PRDM5: variants seen among roughly 807,000 people sequenced by gnomAD.
PRDM5 encodes the protein PR/SET domain 5, also known as PR domain zinc finger protein 5.
Under a neutral mutation model 81.2 loss-of-function variants are expected in PRDM5, and 56 were observed. The ratio of observed to expected loss-of-function variants is 0.69; its 90% CI spans 0.56 to 0.86. The LOEUF is 0.86. PRDM5 is among the 40% of genes least tolerant of loss of function. The probability of loss-of-function intolerance (pLI) is 0.00; values close to 1 mark genes in which losing one functional copy is unlikely to be tolerated. For synonymous variants in PRDM5, 267 were observed against 256.4 expected (o/e 1.04, Z -0.39); for missense variants, 697 against 770.1 (o/e 0.91, Z 1.12).
chr4:120,800,273 T>C (rs1396730041), intron 8 of PRDM5, among the ~76,000 whole-genome samples: 1 of 152,144 alleles, frequency 6.6e-6, no homozygotes, highest in Non-Finnish European at 1.5e-5. Context: ...CCCAGCACTT[T>C]GGGAGGCCAA....
At chr4:120,740,683 T>TC (rs1287290152) in intron 14 of PRDM5, among the ~76,000 whole-genome samples, 2 of 152,194 alleles carry the variant, frequency 1.3e-5, no homozygotes, top group Admixed American at 6.5e-5. Flanking sequence ...TGTGGGTCCC[T>TC]ATTCCTGCTC....
At chr4:120,758,796 C>T (rs2149169343) in intron 13 of PRDM5, among the ~76,000 whole-genome samples, 1 of 151,464 alleles carries the variant, frequency 6.6e-6, no homozygotes, top group East Asian at 2.0e-4. Flanking sequence ...CGCTCTGTTG[C>T]CCAGGCTGGA....
intron 5 of PRDM5, 44 bp downstream of exon 5, chr4:120,818,309 T>C: frequency 6.3e-7 from 1 of 1,582,742 alleles, no homozygotes; most frequent in Non-Finnish European, 8.7e-7. Flanking sequence ...TGGAATAAAC[T>C]GTGTTAGCTT....
At chr4:120,915,306 G>A (rs1724006557) in intron 1 of PRDM5, among the ~76,000 whole-genome samples, 1 of 152,056 alleles carries the variant, frequency 6.6e-6, no homozygotes, top group Non-Finnish European at 1.5e-5. Flanking sequence ...ATCCAAACAA[G>A]TAAAAAATCA....
intron 8 of PRDM5, among the ~76,000 whole-genome samples, chr4:120,806,943 C>G (rs1377358045): frequency 6.6e-6 from 1 of 152,134 alleles, no homozygotes; most frequent in Admixed American, 6.6e-5. Flanking sequence ...TTTTTGCAAT[C>G]TACTCATCTG....
At chr4:120,798,075 T>C (rs756214391) in intron 10 of PRDM5, among the ~76,000 whole-genome samples, 192 bp downstream of exon 10, 1 of 152,130 alleles carries the variant, frequency 6.6e-6, no homozygotes, top group African/African-American at 2.4e-5. Context: ...ACTCTGCTTA[T>C]AAGGACAGTT....
chr4:120,690,875 CAT>C (rs1734021861), downstream of PRDM5, among the ~76,000 whole-genome samples: 2 of 151,996 alleles, frequency 1.3e-5, no homozygotes, highest in African/African-American at 4.8e-5. Context: ...TAATTTTAAA[CAT>C]ATGCATTATT....
At chr4:120,861,948 G>C (rs1479282320) in intron 2 of PRDM5, among the ~76,000 whole-genome samples, 1 of 152,076 alleles carries the variant, frequency 6.6e-6, no homozygotes, top group Non-Finnish European at 1.5e-5. Flanking sequence ...CTTTGATCTT[G>C]ATCTCCTAAT....
At chr4:120,912,296 CT>C (rs1766610771) in intron 1 of PRDM5, among the ~76,000 whole-genome samples, 1 of 152,154 alleles carries the variant, frequency 6.6e-6, no homozygotes, top group African/African-American at 2.4e-5. Flanking sequence ...TATATGCCCC[CT>C]ACTGTTATGC....
intron 1 of PRDM5, among the ~76,000 whole-genome samples, chr4:120,914,839 A>C (rs1723926628): frequency 6.6e-6 from 1 of 152,180 alleles, no homozygotes; most frequent in South Asian, 2.1e-4. Flanking sequence ...ATAACAAAAT[A>C]ATGTCTCTGG....
intron 13 of PRDM5, among the ~76,000 whole-genome samples, chr4:120,759,901 T>G (rs970037207): frequency 2.6e-5 from 4 of 152,208 alleles, no homozygotes; most frequent in African/African-American, 9.6e-5. Context: ...TAACAATAGC[T>G]AAAATGTATA....
Position 120,818,460 on chromosome 4 carries a change from A to T in PRDM5, c.543T>A (p.Ile181=). The T allele has an allele frequency of 1.9e-6, 3 of 1,613,726 alleles. No homozygotes were observed. Among genetic ancestry groups the T allele is most frequent in the Non-Finnish European group, 1.7e-6 (2 of 1,179,610 alleles). Residue 181 remains isoleucine (I), a synonymous_variant, in exon 5 of 16, where the codon ATT becomes ATA. Coordinates refer to ENST00000264808, the MANE Select transcript of PRDM5 (RefSeq NM_018699.4). ...GCAATGTCTGGAGATGCTCAGCAAGAATATCCTCACTGGTAAAACTCGATT... is the reference window on the plus strand; with the variant it reads ...GCAATGTCTGGAGATGCTCAGCAAGTATATCCTCACTGGTAAAACTCGATT... ...QCESSFTSED[I]LAEHLQTLHQ... is the part of the protein sequence containing the mutation.
intron 8 of PRDM5, among the ~76,000 whole-genome samples, chr4:120,808,373 G>C (rs1753312484): frequency 6.6e-6 from 1 of 152,114 alleles, no homozygotes. Flanking sequence ...CCATTAGCTA[G>C]ATACAGAGTG....
chr4:120,920,276 A>G (rs1031898569), intron 1 of PRDM5, among the ~76,000 whole-genome samples: 1 of 152,246 alleles, frequency 6.6e-6, no homozygotes, highest in East Asian at 1.9e-4. Context: ...TTATACAAGC[A>G]TATGTGTTAT....
Position 120,906,650 on chromosome 4 carries a change from G to A in PRDM5, c.177+824C>T, listed in dbSNP as rs924257308. ...AAACTAGGATGAAAATTCTCATAACGTGCAGACATATACTGGCATATACAG... is the reference window on the plus strand; with the variant it reads ...AAACTAGGATGAAAATTCTCATAACATGCAGACATATACTGGCATATACAG... On this transcript the variant is annotated intron_variant, in intron 2 of 15. Coordinates refer to ENST00000264808, the MANE Select transcript of PRDM5 (RefSeq NM_018699.4). Among the ~76,000 whole-genome samples the A allele has an allele frequency of 5.3e-5, 8 of 152,062 alleles. No individual in the cohort carries two copies. The East Asian group carries it at 1.5e-3, about 29-fold the overall frequency.
chr4:120,894,834 TTC>T (rs1177877817), intron 2 of PRDM5, among the ~76,000 whole-genome samples: 1 of 152,112 alleles, frequency 6.6e-6, no homozygotes, highest in Non-Finnish European at 1.5e-5. Context: ...TAGAAGAGAA[TTC>T]TGTTTTAAAA....
At position 120,699,161 on chromosome 4, in the gene PRDM5, AATAT is replaced by A. The variant is rs70948358; in HGVS notation, c.1729-3890_1729-3887del. On this transcript the variant is annotated intron_variant, in intron 15 of 15. Coordinates refer to ENST00000264808, the MANE Select transcript of PRDM5 (RefSeq NM_018699.4). ...TGTATAGGCAATTATAGGAAATATA[AATAT>A]ATATATATATATATATATATATATA... 5.3e-3 allele frequency among the ~76,000 whole-genome samples: 392 copies of A among 73,372 alleles called. 1 individual carries two copies. Among genetic ancestry groups the A allele is most frequent in the Middle Eastern group, 0.018 (2 of 112 alleles). The allele number at this position is 73,372 out of a possible 152,430, so 48.1% of individuals were successfully genotyped here. A position where few individuals can be genotyped will look rare whatever the true frequency, so the allele number is the denominator to read the frequency against.
intron 12 of PRDM5, among the ~76,000 whole-genome samples, chr4:120,778,241 T>C (rs1302270408): frequency 1.3e-5 from 2 of 152,138 alleles, no homozygotes; most frequent in South Asian, 2.1e-4. Context: ...ATCTAGGTTA[T>C]AATCACAAAA....
intron 1 of PRDM5, among the ~76,000 whole-genome samples, chr4:120,917,993 G>T (rs1051370861): frequency 2.0e-5 from 3 of 152,094 alleles, no homozygotes; most frequent in Non-Finnish European, 4.4e-5. Flanking sequence ...CCCCCTTGCA[G>T]GTTTATTGCA....
Sources: allele counts gnomAD v4.1 joint callset (sites outside exome capture counted in the v4.1 genomes callset), GRCh38; gene constraint gnomAD v4.1.1; transcripts MANE v1.5; gene names NCBI Gene and HGNC (gene_info 2026-07-23, HGNC 2026-07-21).